Variants in ASPM observed in about 807,000 individuals in gnomAD.
The protein encoded by ASPM is assembly factor for spindle microtubules.
A neutral mutation model predicts 366.4 loss-of-function variants in ASPM; 256 were observed. That is an observed-to-expected ratio of 0.70 (90% CI 0.63 to 0.77). The LOEUF (loss-of-function observed/expected upper bound fraction) is 0.77. Among genes scored for constraint, ASPM ranks in the 30% least tolerant of loss-of-function variants. The pLI, the probability that ASPM is intolerant of heterozygous loss-of-function variation, is 0.00. For synonymous variants in ASPM, 1,414 were observed against 1,342.9 expected, an observed-to-expected ratio of 1.05 and a Z score of -1.16; for missense variants, 4,146 against 4,090.4, an observed-to-expected ratio of 1.01 and a Z score of -0.37.
intron 4 of ASPM, chr1:197,139,059 T>G: frequency 1.3e-6 from 1 of 744,936 alleles, no homozygotes; most frequent in Non-Finnish European, 2.5e-6. Context: ...GCTGGTTGTC[T>G]GGGCCCAGAT....
In ASPM at chr1:197,102,483, T is replaced by C. The variant is rs1287207959; in HGVS notation, c.6768A>G (p.Arg2256=). Residue 2256 remains arginine, a synonymous_variant, in exon 18 of 28, where the codon AGA becomes AGG. Coordinates refer to ENST00000367409, the MANE Select transcript of ASPM (RefSeq NM_018136.5). ...CTATATGCATCATTTTTAAATGTCT[T>C]CTAGCTTTCTTTCCCCTAAAAATAG... ...IQAIFRGKKA[R]RHLKMMHIAA... 1 of 1,612,752 alleles carries C rather than the reference T, an allele frequency of 6.2e-7. No individual in the cohort carries two copies. The highest frequency in any genetic ancestry group is 8.5e-7 in the Non-Finnish European group (1 of 1,179,280).
At chr1:197,093,327 G>C in intron 20 of ASPM, 66 bp from the exon 21 acceptor site, 1 of 1,290,208 alleles carries the variant, frequency 7.8e-7, no homozygotes, top group Non-Finnish European at 1.1e-6. Context: ...CCCACTAGAA[G>C]TTCTTGAATT....
At chr1:197,084,561 G>A in intron 27 of ASPM, 135 bp from the exon 28 acceptor site, 1 of 668,474 alleles carries the variant, frequency 1.5e-6, no homozygotes, top group Non-Finnish European at 2.6e-6. Context: ...AAAGAGGTGG[G>A]AGAACTTCAT....
Position 197,101,095 on chromosome 1 carries a change from T to C in ASPM, c.8156A>G (p.Gln2719Arg), listed in dbSNP as rs776581682. ...TCTAACATACAACCTATAATAATTC[T>C]GTATAACCACAATTGCAGTTTTCTT... is the stretch of plus-strand genomic sequence containing the variant. ...ETKKTAIVVI[Q>R]NYYRLYVRVK... is the part of the protein sequence containing the mutation. Residue 2719 changes from glutamine to arginine, a missense_variant, in exon 18 of 28, where the codon CAG becomes CGG. Coordinates refer to ENST00000367409, the MANE Select transcript of ASPM (RefSeq NM_018136.5). The C allele has an allele frequency of 3.7e-6, 6 of 1,611,990 alleles. No individual in the cohort carries two copies. The South Asian group carries it at 6.6e-5, about 18-fold the overall frequency.
rs1348033258 is a variant in ASPM at position 197,102,836 on chromosome 1, T to C, written c.6415A>G (p.Met2139Val). The C allele has an allele frequency of 2.5e-6, 4 of 1,612,358 alleles. No individual in the cohort carries two copies. Among genetic ancestry groups the C allele is most frequent in the Non-Finnish European group, 3.4e-6 (4 of 1,179,224 alleles). ...MHQSRISYHT[M>V]RKAAIVIQVR... Reference sequence around the variant, plus strand: ...TGAATAACAATAGCTGCTTTTCTCATTGTATGGTAACTTATTCTTGACTGA... The same window carrying C: ...TGAATAACAATAGCTGCTTTTCTCACTGTATGGTAACTTATTCTTGACTGA... The change falls in exon 18 of 28, where the codon ATG becomes GTG. Residue 2139 changes from methionine (M) to valine (V), a missense_variant. Physicochemically the swap from Met to Val is conservative, Grantham distance 21. Around this residue, in one of 3 missense-constraint regions of ASPM, gnomAD observed 3,624 missense variants for 3,591.7 expected, o/e 1.01. Transcript: ENST00000367409.
chr1:197,090,887 T>A lies in ASPM; in HGVS notation c.9599A>T (p.Lys3200Met). 1.2e-6 allele frequency: 2 copies of A among 1,613,264 alleles called. No individual in the cohort carries two copies. Among genetic ancestry groups the A allele is most frequent in the Non-Finnish European group, 1.7e-6 (2 of 1,179,522 alleles). The stretch of plus-strand genomic sequence containing the variant: ...GATTCCACTAGTGAATTTTTCCTGC[T>A]TTTTACGGAGGAGAAAATGGCGCAC... Reference protein sequence around the residue: ...KAVRHFLLRKKQEKFTSGIIK... With the variant: ...KAVRHFLLRKMQEKFTSGIIK... The change falls in exon 23 of 28, where the codon AAG (lysine) becomes ATG (methionine). Residue 3200 changes from lysine to methionine, a missense_variant. Coordinates refer to ENST00000367409, the MANE Select transcript of ASPM (RefSeq NM_018136.5).
chr1:197,123,863 A>G (rs979761001), intron 13 of ASPM, among the ~76,000 whole-genome samples: 20 of 152,152 alleles, frequency 1.3e-4, no homozygotes, highest in African/African-American at 4.8e-4. Context: ...CTATGCAAGC[A>G]TCTTCTACTA....
At chr1:197,128,420 C>A in intron 10 of ASPM, 70 bp downstream of exon 10, 2 of 1,434,566 alleles carry the variant, frequency 1.4e-6, no homozygotes, top group South Asian at 1.2e-5. Flanking sequence ...TGAATAATTA[C>A]AAAAAAAGTG....
intron 4 of ASPM, chr1:197,138,872 G>C (rs1410685898): frequency 4.2e-6 from 4 of 947,270 alleles, no homozygotes; most frequent in Non-Finnish European, 6.8e-6. Flanking sequence ...TCTCTTCTTC[G>C]AGCTTCCTTA....
In ASPM at chr1:197,091,875, T is replaced by A; in HGVS notation, c.9444+32A>T. On this transcript the variant is annotated intron_variant, in intron 22 of 27. Coordinates refer to ENST00000367409, the MANE Select transcript of ASPM (RefSeq NM_018136.5). ...AAAAATTTCTAACAGAAAAATTATA[T>A]CATATAGTTTTACTGCAAAGAAGAA... 4 of 1,600,788 alleles carry A rather than the reference T, an allele frequency of 2.5e-6. No homozygotes were observed. The South Asian group carries it at 3.3e-5, about 13-fold the overall frequency.
At chr1:197,109,292 C>T (rs1275824089) in intron 17 of ASPM, among the ~76,000 whole-genome samples, 1 of 151,984 alleles carries the variant, frequency 6.6e-6, no homozygotes, top group Non-Finnish European at 1.5e-5. Context: ...CAATAAAATA[C>T]TAGCAAGTGG....
In ASPM at chr1:197,142,924, C is replaced by T. The variant is rs568737007; in HGVS notation, c.1328G>A (p.Gly443Asp). Residue 443 changes from glycine (G) to aspartate (D), a missense_variant, in exon 3 of 28, where the codon GGT becomes GAT. Physicochemically the swap from Gly to Asp is moderately conservative, Grantham distance 94 (BLOSUM62 -1). Around this residue, in one of 3 missense-constraint regions of ASPM, gnomAD observed 3,624 missense variants for 3,591.7 expected, o/e 1.01. Transcript: ENST00000367409. ...EVSPRIPECQ[G>D]SKSPKAIFEE... ...AAAAATAGCTTTGGGAGATTTTGAACCCTGACATTCAGGAATACGTGGCGA... is the reference window on the plus strand; with the variant it reads ...AAAAATAGCTTTGGGAGATTTTGAATCCTGACATTCAGGAATACGTGGCGA... 1 of 1,613,888 alleles carries T rather than the reference C, an allele frequency of 6.2e-7. No homozygotes were observed. The highest frequency in any genetic ancestry group is 1.7e-5 in the Admixed American group (1 of 60,020).
chr1:197,088,037 G>A (rs947391339), intron 26 of ASPM, among the ~76,000 whole-genome samples: 3 of 152,084 alleles, frequency 2.0e-5, no homozygotes, highest in Non-Finnish European at 4.4e-5. Flanking sequence ...TTACTTATAT[G>A]GCTGTAATAA....
At chr1:197,091,256 G>A (rs961321710) in intron 22 of ASPM, among the ~76,000 whole-genome samples, 1 of 151,744 alleles carries the variant, frequency 6.6e-6, no homozygotes, top group African/African-American at 2.4e-5. Context: ...GCACACACAT[G>A]CACAGGAGTA....
chr1:197,117,960 A>G lies in ASPM; in HGVS notation c.3894T>C (p.Ile1298=). 6.2e-7 allele frequency: 1 copy of G among 1,613,542 alleles called. No individual in the cohort carries two copies. Among genetic ancestry groups the G allele is most frequent in the Non-Finnish European group, 8.5e-7 (1 of 1,179,670 alleles). The part of the protein sequence containing the change: ...RHQEREKAAR[I]IQLAVINFLA... ...GAAAATTGATTACAGCCAATTGAAT[A>G]ATTCTTGCAGCTTTCTCTCTCTCCT... Residue 1298 remains isoleucine (I), a synonymous_variant, in exon 17 of 28, where the codon ATT becomes ATC. Transcript: ENST00000367409.
chr1:197,111,677 A>G (rs1172130466), intron 17 of ASPM, among the ~76,000 whole-genome samples: 2 of 152,312 alleles, frequency 1.3e-5, no homozygotes, highest in African/African-American at 4.8e-5. Context: ...GAATCAACCA[A>G]GACGTCCATC....
chr1:197,139,273 C>T, intron 4 of ASPM: 1 of 927,194 alleles, frequency 1.1e-6, no homozygotes, highest in Admixed American at 1.7e-5. Context: ...TTCACTTCAT[C>T]CATACTCCCT....
intron 17 of ASPM, among the ~76,000 whole-genome samples, chr1:197,117,405 G>A (rs1181147021): frequency 1.3e-5 from 2 of 151,978 alleles, no homozygotes; most frequent in Admixed American, 1.3e-4. Context: ...GTGGAGTAGA[G>A]AGAAAAATGT....
chr1:197,084,852 T>A (rs1656536626), intron 27 of ASPM, among the ~76,000 whole-genome samples: 1 of 152,170 alleles, frequency 6.6e-6, no homozygotes, highest in South Asian at 2.1e-4. Context: ...TTTAATATGA[T>A]CACATACTAG....
Sources: allele counts gnomAD v4.1 joint callset (sites outside exome capture counted in the v4.1 genomes callset), GRCh38; gene constraint gnomAD v4.1.1; regional missense constraint gnomAD v4.1.1; transcripts MANE v1.5; gene names NCBI Gene and HGNC (gene_info 2026-07-23, HGNC 2026-07-21).